Variants in ADAMTS15 observed in about 807,000 individuals in gnomAD.
ADAMTS15 encodes the protein ADAM metallopeptidase with thrombospondin type 1 motif 15, also known as A disintegrin and metalloproteinase with thrombospondin motifs 15.
Under a neutral mutation model 79.1 loss-of-function variants are expected in ADAMTS15, and 35 were observed. That is an observed-to-expected ratio of 0.44 (90% CI 0.34 to 0.59). The LOEUF (loss-of-function observed/expected upper bound fraction) is 0.59, where lower values mean the gene tolerates loss of function less well. Ranked by LOEUF, ADAMTS15 falls within the 20% of genes least tolerant of loss-of-function variation. The pLI, the probability that ADAMTS15 is intolerant of heterozygous loss-of-function variation, is 0.02. For synonymous variants in ADAMTS15, 616 were observed against 567.3 expected, an observed-to-expected ratio of 1.09 and a Z score of -1.22; for missense variants, 1,324 against 1,318.7, an observed-to-expected ratio of 1.00 and a Z score of -0.06.
Position 130,449,156 on chromosome 11 carries a change from G to A in ADAMTS15, c.183G>A (p.Gln61=), listed in dbSNP as rs1937896270. Residue 61 remains glutamine (Q), a synonymous_variant, in exon 1 of 8, where the codon CAG becomes CAA. Transcript: ENST00000299164. The surrounding 1 kb of genome is among the most constrained non-coding windows in gnomAD (Gnocchi z 7.8). ...QGLIFQITAF[Q]EDFYLHLTPD... is the part of the protein sequence containing the mutation. Reference sequence around the variant, plus strand: ...TCATTTTTCAGATCACAGCATTTCAGGAGGACTTTTACCTACACCTGACGC... The same window carrying A: ...TCATTTTTCAGATCACAGCATTTCAAGAGGACTTTTACCTACACCTGACGC... The A allele has an allele frequency of 6.2e-7, 1 of 1,606,634 alleles. No individual in the cohort carries two copies. Among genetic ancestry groups the A allele is most frequent in the Non-Finnish European group, 8.5e-7 (1 of 1,174,862 alleles).
rs1283403318 is a variant in ADAMTS15 at position 130,449,299 on chromosome 11, C to T, written c.326C>T (p.Ala109Val). The change falls in exon 1 of 8, where the codon GCC (alanine) becomes GTC (valine). Residue 109 changes from alanine to valine, a missense_variant. By Grantham distance (64) the Ala-to-Val change is moderately conservative. Transcript: ENST00000299164. The surrounding 1 kb of genome is among the most constrained non-coding windows in gnomAD (Gnocchi z 7.8). ...RRCFYSGDVN[A>V]EPDSFAAVSL... ...TGCTTCTATTCTGGGGACGTGAACG[C>T]CGAGCCGGACTCGTTCGCTGCTGTG... 5 of 1,611,262 alleles carry T rather than the reference C, an allele frequency of 3.1e-6. No individual in the cohort carries two copies. The highest frequency in any genetic ancestry group is 3.4e-6 in the Non-Finnish European group (4 of 1,180,046).
rs941304828 is a variant in ADAMTS15, at chr11:130,474,334, G to C, written c.*513G>C. 2.0e-5 allele frequency: 3 copies of C among 153,424 alleles called. No individual in the cohort carries two copies. Among genetic ancestry groups the C allele is most frequent in the African/African-American group, 7.2e-5 (3 of 41,474 alleles). The allele number at this position is 153,424 out of a possible 1,614,324, so 9.5% of individuals were successfully genotyped here. On this transcript the variant is annotated 3_prime_UTR_variant, in exon 8 of 8. Coordinates refer to ENST00000299164, the MANE Select transcript of ADAMTS15 (RefSeq NM_139055.4). ...AAGCAATAAAAGCTGGCTGGGGCTG[G>C]GCAGAAGCCACGGGGAGAGTGAGAT...
chr11:130,462,518 C>A lies in ADAMTS15; in HGVS notation c.1280C>A (p.Pro427His). 2 of 1,599,796 alleles carry A rather than the reference C, an allele frequency of 1.3e-6. No homozygotes were observed. The highest frequency in any genetic ancestry group is 1.7e-6 in the Non-Finnish European group (2 of 1,169,998). ...GCAGGTGACTGCCTCCTGGACCAACCCAGCAAGCCCATCTCCCTGCCCGAG... is the reference window on the plus strand; with the variant it reads ...GCAGGTGACTGCCTCCTGGACCAACACAGCAAGCCCATCTCCCTGCCCGAG... ...SGHGDCLLDQPSKPISLPEDL... is the reference protein window; with the variant it reads ...SGHGDCLLDQHSKPISLPEDL... The change falls in exon 4 of 8, where the codon CCC (proline) becomes CAC (histidine). Residue 427 changes from proline to histidine, a missense_variant. By Grantham distance (77) the Pro-to-His change is moderately conservative. Transcript: ENST00000299164. This position sits in a 1 kb window ranked among gnomAD's most constrained non-coding sequence, Gnocchi z 4.3.
rs199831999 is a variant in ADAMTS15 at position 130,449,188 on chromosome 11, C to A, written c.215C>A (p.Ala72Asp). The change falls in exon 1 of 8, where the codon GCT (alanine) becomes GAT (aspartate). Residue 72 changes from alanine to aspartate, a missense_variant. Ala to Asp is a moderately radical substitution (Grantham distance 126). Transcript: ENST00000299164. The surrounding 1 kb of genome is among the most constrained non-coding windows in gnomAD (Gnocchi z 7.8). ...EDFYLHLTPD[A>D]QFLAPAFSTE... ...TTTTACCTACACCTGACGCCGGATG[C>A]TCAGTTCTTGGCTCCCGCCTTCTCC... is the stretch of plus-strand genomic sequence containing the variant. 6.2e-7 allele frequency: 1 copy of A among 1,612,934 alleles called. No individual in the cohort carries two copies. The highest frequency in any genetic ancestry group is 8.5e-7 in the Non-Finnish European group (1 of 1,179,226).
At chr11:130,470,164 A>ATACG (rs1938407036) in intron 5 of ADAMTS15, among the ~76,000 whole-genome samples, 1 of 58,246 alleles carries the variant, frequency 1.7e-5, no homozygotes, top group African/African-American at 1.0e-4. Context: ...GTATATATAT[A>ATACG]TATATATATA....
At chr11:130,470,172 A>ACACATG (rs1565397754) in intron 5 of ADAMTS15, among the ~76,000 whole-genome samples, 2 of 58,464 alleles carry the variant, frequency 3.4e-5, no homozygotes, top group Admixed American at 3.1e-4. Context: ...ATATATATAT[A>ACACATG]TATATATATG....
rs947021803 is a variant in ADAMTS15, at chr11:130,472,262, G to T, written c.2079-785G>T. 2.0e-5 allele frequency among the ~76,000 whole-genome samples: 3 copies of T among 152,164 alleles called. No individual in the cohort carries two copies. The highest frequency in any genetic ancestry group is 4.4e-5 in the Non-Finnish European group (3 of 68,028). On this transcript the variant is annotated intron_variant, in intron 7 of 7. Transcript: ENST00000299164. The surrounding 1 kb of genome is among the most constrained non-coding windows in gnomAD (Gnocchi z 4.7). ...CCTTGACTGTGCCCCTGGACACGTC[G>T]CCCTCTCCTGAGCCCCTGGGTGGTG...
At chr11:130,460,492 G>C (rs903105585) in intron 1 of ADAMTS15, among the ~76,000 whole-genome samples, 4 of 152,096 alleles carry the variant, frequency 2.6e-5, no homozygotes, top group African/African-American at 9.7e-5. Context: ...GGCCAGGCTG[G>C]TCTTGAGCTC....
Position 130,475,438 on chromosome 11 carries a change from T to A in ADAMTS15, c.*1617T>A, listed in dbSNP as rs1409706545. On this transcript the variant is annotated 3_prime_UTR_variant, in exon 8 of 8. Transcript: ENST00000299164. Reference sequence around the variant, plus strand: ...CCACTGTGTACATGGGATATTCTGCTTCTGAGTGTAGGTGATGAATCCAGG... The same window carrying A: ...CCACTGTGTACATGGGATATTCTGCATCTGAGTGTAGGTGATGAATCCAGG... 1 of 152,270 alleles carries A rather than the reference T, an allele frequency of 6.6e-6. No individual in the cohort carries two copies. Among genetic ancestry groups the A allele is most frequent in the African/African-American group, 2.4e-5 (1 of 41,466 alleles). 9.4% of individuals were successfully genotyped at this position (152,270 alleles called of 1,614,324 possible).
In ADAMTS15 at chr11:130,448,919, C is replaced by T. The variant is rs942722329; in HGVS notation, c.-55C>T. 1.5e-6 allele frequency: 2 copies of T among 1,354,500 alleles called. No individual in the cohort carries two copies. Among genetic ancestry groups the T allele is most frequent in the Non-Finnish European group, 1.9e-6 (2 of 1,033,544 alleles). The allele number at this position is 1,354,500 out of a possible 1,614,324, so 83.9% of individuals were successfully genotyped here. On this transcript the variant is annotated 5_prime_UTR_variant, in exon 1 of 8. Transcript: ENST00000299164. ...GGCTGCACGGAGACCGCGGCAGCGGCCGGAGAGCCCGGCCCAGCCCCTTCC... is the reference window on the plus strand; with the variant it reads ...GGCTGCACGGAGACCGCGGCAGCGGTCGGAGAGCCCGGCCCAGCCCCTTCC...
At position 130,458,912 on chromosome 11, in the gene ADAMTS15, C is replaced by T. The variant is rs74627151; in HGVS notation, c.958-2577C>T. ...ATCCTTCACTATGCCCTTGCAAGAG[C>T]CTTCATCCCTGCCCTCATCTTGGCT... is the stretch of plus-strand genomic sequence containing the variant. On this transcript the variant is annotated intron_variant, in intron 1 of 7. Coordinates refer to ENST00000299164, the MANE Select transcript of ADAMTS15 (RefSeq NM_139055.4). 8.6e-5 allele frequency among the ~76,000 whole-genome samples: 13 copies of T among 152,038 alleles called. No individual in the cohort carries two copies. In the South Asian group the frequency reaches 1.7e-3, roughly 19 times the overall value.
chr11:130,469,325 G>T lies in ADAMTS15; in HGVS notation c.1606G>T (p.Val536Leu), dbSNP rs149341964. 6 of 1,388,720 alleles carry T rather than the reference G, an allele frequency of 4.3e-6. No individual in the cohort carries two copies. The highest frequency in any genetic ancestry group is 2.8e-5 in the East Asian group (1 of 36,206). The allele number at this position is 1,388,720 out of a possible 1,614,324, so 86.0% of individuals were successfully genotyped here. Residue 536 changes from valine to leucine, a missense_variant, in exon 5 of 8, where the codon GTG becomes TTG. Val to Leu is a conservative substitution (Grantham distance 32). Coordinates refer to ENST00000299164, the MANE Select transcript of ADAMTS15 (RefSeq NM_139055.4). ...CTGCTCGCGCACATGTGGTGGGGGC[G>T]TGCAGCTGGCCAGGAGGCAGTGCAC... ...GPCSRTCGGG[V>L]QLARRQCTNP... is the part of the protein sequence containing the mutation.
At position 130,471,266 on chromosome 11, in the gene ADAMTS15, G is replaced by A; in HGVS notation, c.1961G>A (p.Cys654Tyr). The A allele has an allele frequency of 6.2e-7, 1 of 1,612,918 alleles. No homozygotes were observed. The highest frequency in any genetic ancestry group is 1.1e-5 in the South Asian group (1 of 90,812). ...DSTSVCVQGK[C>Y]IKAGCDGNLG... is the part of the protein sequence containing the mutation. ...ACCTCCGTCTGTGTCCAAGGCAAGTGCATCAAGGCTGGCTGTGATGGGAAC... is the reference window on the plus strand; with the variant it reads ...ACCTCCGTCTGTGTCCAAGGCAAGTACATCAAGGCTGGCTGTGATGGGAAC... The change falls in exon 7 of 8, where the codon TGC (cysteine) becomes TAC (tyrosine). Residue 654 changes from cysteine to tyrosine, a missense_variant. Coordinates refer to ENST00000299164, the MANE Select transcript of ADAMTS15 (RefSeq NM_139055.4).
chr11:130,459,160 T>A (rs926999180), intron 1 of ADAMTS15, among the ~76,000 whole-genome samples: 1 of 147,900 alleles, frequency 6.8e-6, no homozygotes, highest in Admixed American at 6.8e-5. Context: ...AGCCTCCTCC[T>A]ACCAGCCTGG....
intron 4 of ADAMTS15, among the ~76,000 whole-genome samples, chr11:130,468,415 G>A (rs1193548754): frequency 1.3e-5 from 2 of 151,334 alleles, no homozygotes; most frequent in African/African-American, 4.9e-5. Context: ...CGGATCACTT[G>A]AGGTCGGGAG....
chr11:130,450,290 A>T, intron 1 of ADAMTS15: 23 of 985,456 alleles, frequency 2.3e-5, no homozygotes, highest in Non-Finnish European at 2.8e-5. Context: ...ATGGTGTTGG[A>T]GAGGGCGGGA....
At chr11:130,455,845 C>T (rs1249828567) in intron 1 of ADAMTS15, among the ~76,000 whole-genome samples, 2 of 152,164 alleles carry the variant, frequency 1.3e-5, no homozygotes, top group African/African-American at 4.8e-5. Flanking sequence ...GCAGACGGTG[C>T]ACTCAGAGCA....
At chr11:130,455,051 G>A (rs944782175) in intron 1 of ADAMTS15, among the ~76,000 whole-genome samples, 7 of 152,074 alleles carry the variant, frequency 4.6e-5, no homozygotes, top group African/African-American at 1.7e-4. Context: ...TATGAATCCG[G>A]GGGCTTGAAC....
rs1938491956 is a variant in ADAMTS15 at position 130,473,101 on chromosome 11, C to G, written c.2133C>G (p.Ile711Met). 1 of 1,614,048 alleles carries G rather than the reference C, an allele frequency of 6.2e-7. No homozygotes were observed. The highest frequency in any genetic ancestry group is 2.2e-5 in the East Asian group (1 of 44,880). Reference protein sequence around the residue: ...AIPAGASSIDIRQRGYKGLIG... With the variant: ...AIPAGASSIDMRQRGYKGLIG... ...CCGCAGGCGCCTCAAGCATCGACAT[C>G]CGCCAGCGCGGTTACAAAGGGCTGA... is the stretch of plus-strand genomic sequence containing the variant. Residue 711 changes from isoleucine to methionine, a missense_variant, in exon 8 of 8, where the codon ATC becomes ATG. Coordinates refer to ENST00000299164, the MANE Select transcript of ADAMTS15 (RefSeq NM_139055.4).
Sources: allele counts gnomAD v4.1 joint callset (sites outside exome capture counted in the v4.1 genomes callset), GRCh38; gene constraint gnomAD v4.1.1; non-coding constraint Gnocchi (gnomAD v3.1); transcripts MANE v1.5; gene names NCBI Gene and HGNC (gene_info 2026-07-23, HGNC 2026-07-21).